TSKS: variants seen among roughly 807,000 people sequenced by gnomAD.
The protein encoded by TSKS is testis-specific serine kinase substrate.
In TSKS, 27 loss-of-function variants were observed where a neutral mutation model predicts 68.0. That is an observed-to-expected ratio of 0.40 (90% CI 0.29 to 0.55). TSKS has a LOEUF of 0.55. Among genes scored for constraint, TSKS ranks in the 20% least tolerant of loss-of-function variants. The pLI is 0.53. For synonymous variants in TSKS, 331 were observed against 340.4 expected, an observed-to-expected ratio of 0.97 and a Z score of 0.30; for missense variants, 806 against 776.0, an observed-to-expected ratio of 1.04 and a Z score of -0.46.
chr19:49,750,893 CA>C, intron 2 of TSKS, among the ~76,000 whole-genome samples: 1 of 152,174 alleles, frequency 6.6e-6, no homozygotes, highest in Admixed American at 6.5e-5. Context: ...AAAAGATAGA[CA>C]GAATAAGTTT....
chr19:49,749,228 C>T (rs776678477), intron 2 of TSKS, among the ~76,000 whole-genome samples: 1 of 152,152 alleles, frequency 6.6e-6, no homozygotes, highest in Non-Finnish European at 1.5e-5. Context: ...CACAACTCCG[C>T]CTCTTGAGGT....
intron 6 of TSKS, 105 bp downstream of exon 6, chr19:49,746,365 G>C (rs1448222392): frequency 3.7e-6 from 5 of 1,366,580 alleles, no homozygotes; most frequent in Non-Finnish European, 5.0e-6. Flanking sequence ...TCAGCTACTT[G>C]AGAACCCCCG....
At position 49,748,067 on chromosome 19, in the gene TSKS, T is replaced by G. The variant is rs1209336229; in HGVS notation, c.579+18A>C. 1 of 1,612,148 alleles carries G rather than the reference T, an allele frequency of 6.2e-7. No homozygotes were observed. Reference sequence around the variant, plus strand: ...CCATTCCCCTCTCCCCATCCATTCCTGCGTCCCACTGGCTCACCTTGAGTT... The same window carrying G: ...CCATTCCCCTCTCCCCATCCATTCCGGCGTCCCACTGGCTCACCTTGAGTT... On this transcript the variant is annotated intron_variant, in intron 4 of 10. Coordinates refer to ENST00000246801, the MANE Select transcript of TSKS (RefSeq NM_021733.2).
chr19:49,751,558 C>T (rs1357620822), intron 2 of TSKS, among the ~76,000 whole-genome samples: 2 of 152,116 alleles, frequency 1.3e-5, no homozygotes, highest in African/African-American at 4.8e-5. Flanking sequence ...TAACAGCCCA[C>T]ATTTCCCACA....
rs1360389606 is a variant in TSKS at position 49,745,319 on chromosome 19, C to T, written c.1070G>A (p.Gly357Asp). Residue 357 changes from glycine (G) to aspartate (D), a missense_variant, in exon 7 of 11, where the codon GGC (glycine) becomes GAC (aspartate). Transcript: ENST00000246801. ...AVQEALRLLG[G>D]LGGRVDGFLG... ...GAAGCCGTCGACCCTGCCGCCCAGG[C>T]CCCCGAGCAGCCGCAGGGCTTCCTG... The T allele has an allele frequency of 3.1e-6, 5 of 1,603,318 alleles. No individual in the cohort carries two copies. Among genetic ancestry groups the T allele is most frequent in the Admixed American group, 3.3e-5 (2 of 59,744 alleles).
chr19:49,756,877 T>C (rs2084396596), intron 2 of TSKS, among the ~76,000 whole-genome samples: 1 of 152,070 alleles, frequency 6.6e-6, no homozygotes. Context: ...CTGGCCAACA[T>C]GGTGAAACCC....
At chr19:49,757,636 G>T (rs1298196120) in intron 2 of TSKS, among the ~76,000 whole-genome samples, 1 of 152,000 alleles carries the variant, frequency 6.6e-6, no homozygotes, top group Non-Finnish European at 1.5e-5. Flanking sequence ...GGTTCCCATT[G>T]TCCTTCCTCC....
intron 1 of TSKS, 137 bp from the exon 2 acceptor site, chr19:49,762,369 T>A (rs867106284): frequency 2.3e-5 from 14 of 621,260 alleles, no homozygotes; most frequent in Non-Finnish European, 3.6e-5. Flanking sequence ...CTGTCCCCGC[T>A]GCCTACTTTA....
intron 2 of TSKS, among the ~76,000 whole-genome samples, chr19:49,760,886 C>T (rs947237518): frequency 4.6e-5 from 7 of 151,902 alleles, no homozygotes; most frequent in Non-Finnish European, 5.9e-5. Flanking sequence ...GTCCGGAGTT[C>T]GAGACCAGCC....
At chr19:49,756,904 A>G (rs73066017) in intron 2 of TSKS, among the ~76,000 whole-genome samples, 10,876 of 152,152 alleles carry the variant, frequency 0.071, 513 homozygotes, top group Admixed American at 0.16. Context: ...TACAAAAAAT[A>G]CAAAAATTAG....
Position 49,740,057 on chromosome 19 carries a change from A to G in TSKS, c.1622+2T>C. 6.2e-7 allele frequency: 1 copy of G among 1,613,552 alleles called. No individual in the cohort carries two copies. The highest frequency in any genetic ancestry group is 1.3e-5 in the African/African-American group (1 of 74,880). Reference sequence around the variant, plus strand: ...TCCCATGCCCTCAGCCTCCTTCCTCACTCTGGCTTCATCTTGTCTGTCAGC... The same window carrying G: ...TCCCATGCCCTCAGCCTCCTTCCTCGCTCTGGCTTCATCTTGTCTGTCAGC... On this transcript the variant is annotated splice_donor_variant, in intron 10 of 10. Transcript: ENST00000246801. LOFTEE classifies it high-confidence loss of function.
In TSKS at chr19:49,744,365, G is replaced by A. The variant is rs777344514; in HGVS notation, c.1227C>T (p.Ser409=). Reference sequence around the variant, plus strand: ...TCAGTGGGCCCAGCCCCTCCAGTTCGCTCCTCAGTGAAGCCACAGACACTG... The same window carrying A: ...TCAGTGGGCCCAGCCCCTCCAGTTCACTCCTCAGTGAAGCCACAGACACTG... ...RSAVSVASLR[S]ELEGLGPLKP... The change falls in exon 8 of 11, where the codon AGC becomes AGT. Residue 409 remains serine, a synonymous_variant. Transcript: ENST00000246801. 2.0e-5 allele frequency: 32 copies of A among 1,613,910 alleles called. No individual in the cohort carries two copies. The highest frequency in any genetic ancestry group is 2.5e-5 in the Non-Finnish European group (29 of 1,180,002).
chr19:49,760,841 C>T (rs2084434264), intron 2 of TSKS, among the ~76,000 whole-genome samples: 2 of 151,900 alleles, frequency 1.3e-5, no homozygotes, highest in Admixed American at 1.3e-4. Flanking sequence ...GTAATCTCAG[C>T]ACTTTGGGAG....
chr19:49,747,105 T>C, intron 5 of TSKS: 1 of 1,498,964 alleles, frequency 6.7e-7, no homozygotes. Flanking sequence ...CAGCATTTTG[T>C]TGGAAAATGA....
chr19:49,762,628 C>T (rs1258059590), intron 1 of TSKS, among the ~76,000 whole-genome samples: 2 of 152,040 alleles, frequency 1.3e-5, no homozygotes, highest in Non-Finnish European at 2.9e-5. Flanking sequence ...GGCTTTTCAC[C>T]ATGTTGGCCA....
intron 2 of TSKS, among the ~76,000 whole-genome samples, chr19:49,754,275 GATCA>G (rs2084376106): frequency 6.6e-6 from 1 of 151,348 alleles, no homozygotes; most frequent in Non-Finnish European, 1.5e-5. Flanking sequence ...AAGGCAGGTG[GATCA>G]CCTGAGGTCA....
chr19:49,744,482 C>A, intron 7 of TSKS, 78 bp from the exon 8 acceptor site: 1 of 1,471,062 alleles, frequency 6.8e-7, no homozygotes, highest in Non-Finnish European at 9.3e-7. Context: ...CATTATTAGC[C>A]CACCACTTGC....
rs1159734298 is a variant in TSKS, at chr19:49,762,350, C to T, written c.171-118G>A. 8.8e-6 allele frequency: 6 copies of T among 682,882 alleles called. No homozygotes were observed. In the East Asian group the frequency reaches 1.7e-4, roughly 19 times the overall value. 42.3% of individuals were successfully genotyped at this position (682,882 alleles called of 1,614,324 possible). ...CTCCACCCTCACTGTATATAAGTTT[C>T]TCCCTTCTCTGTCCCCGCTGCCTAC... On this transcript the variant is annotated intron_variant, in intron 1 of 10. Coordinates refer to ENST00000246801, the MANE Select transcript of TSKS (RefSeq NM_021733.2).
At chr19:49,755,350 T>G (rs1362674283) in intron 2 of TSKS, among the ~76,000 whole-genome samples, 1 of 152,132 alleles carries the variant, frequency 6.6e-6, no homozygotes, top group African/African-American at 2.4e-5. Flanking sequence ...CTTCCAAAAC[T>G]TGATGATTTG....
Sources: gnomAD v4.1 joint callset for allele counts (sites outside exome capture counted in the v4.1 genomes callset) on GRCh38, gnomAD v4.1.1 for gene constraint, MANE v1.5 for transcripts, NCBI Gene and HGNC (gene_info 2026-07-23, HGNC 2026-07-21) for gene names.